The following PHC2 variants were observed in gnomAD, a reference collection of about 807,000 sequenced individuals.
PHC2 encodes polyhomeotic homolog 2.
PHC2 carries 29 observed loss-of-function variants against 87.4 expected under a neutral mutation model. The observed-to-expected ratio is 0.33, with a 90% CI of 0.25 to 0.45. The LOEUF (loss-of-function observed/expected upper bound fraction) is 0.45. PHC2 is among the 20% of genes least tolerant of loss of function. PHC2 has a pLI of 1.00. For synonymous variants in PHC2, 438 were observed against 461.7 expected (o/e 0.95, Z 0.66); for missense variants, 857 against 1,136.7 (o/e 0.75, Z 3.54).
rs1553186434 is a variant in PHC2, at chr1:33,364,410, A to ACACACACGCG, written c.976+2705_976+2706insCGCGTGTGTG. ...TGCTTTCACACACACACACACACAC[A>ACACACACGCG]CACACACACACACACGCTCAAGCAC... On this transcript the variant is annotated intron_variant, in intron 7 of 14. Transcript: ENST00000683057. The surrounding 1 kb of genome is among the most constrained non-coding windows in gnomAD (Gnocchi z 4.1). 6.7e-6 allele frequency among the ~76,000 whole-genome samples: 1 copy of ACACACACGCG among 149,926 alleles called. No individual in the cohort carries two copies. The highest frequency in any genetic ancestry group is 2.5e-5 in the African/African-American group (1 of 40,538).
At chr1:33,337,852 A>G (rs148219889) in intron 9 of PHC2, among the ~76,000 whole-genome samples, 282 of 152,264 alleles carry the variant, frequency 1.9e-3, no homozygotes, top group Middle Eastern at 0.01. Context: ...CATGTAAGAG[A>G]TCTGGTTGGT....
chr1:33,343,468 CAAAAA>C (rs71006394), intron 9 of PHC2, among the ~76,000 whole-genome samples: 1 of 59,842 alleles, frequency 1.7e-5, no homozygotes. Flanking sequence ...GACTCTGTCT[CAAAAA>C]AAAAAAAAAA....
chr1:33,368,506 C>T lies in PHC2; in HGVS notation c.663+30G>A. The T allele has an allele frequency of 7.9e-7, 1 of 1,268,928 alleles. No homozygotes were observed. Among genetic ancestry groups the T allele is most frequent in the Non-Finnish European group, 1.1e-6 (1 of 909,894 alleles). The allele number at this position is 1,268,928 out of a possible 1,614,324, so 78.6% of individuals were successfully genotyped here. On this transcript the variant is annotated intron_variant, in intron 6 of 14. Coordinates refer to ENST00000683057, the MANE Select transcript of PHC2 (RefSeq NM_001385109.1). This position sits in a 1 kb window ranked among gnomAD's most constrained non-coding sequence, Gnocchi z 6.6. ...GCCCCTCTACAGGGGTGCCCACCCC[C>T]CTGCCCTCCCACAAGCATGGAGTCC...
intron 1 of PHC2, among the ~76,000 whole-genome samples, chr1:33,385,839 C>T (rs1401438799): frequency 1.3e-5 from 2 of 151,874 alleles, no homozygotes; most frequent in Non-Finnish European, 2.9e-5. Flanking sequence ...CTCTCTCGCC[C>T]AGGCTGGAAT....
At chr1:33,374,798 T>A (rs923216162) in intron 2 of PHC2, among the ~76,000 whole-genome samples, 9 of 152,184 alleles carry the variant, frequency 5.9e-5, no homozygotes, top group Non-Finnish European at 8.8e-5. Context: ...GAGCCCCAGT[T>A]TTCTCAACTA....
At chr1:33,400,278 G>C (rs1340045039) in intron 1 of PHC2, among the ~76,000 whole-genome samples, 2 of 152,188 alleles carry the variant, frequency 1.3e-5, no homozygotes, top group East Asian at 3.8e-4. Flanking sequence ...GTTTATAGGA[G>C]TTTGCACTCA....
In PHC2 at chr1:33,334,163, G is replaced by C; in HGVS notation, c.1688C>G (p.Ala563Gly). ...PQNGENKPPQ[A>G]IVKPQILTHV... ...CGTCAGGATTTGGGGTTTCACAATG[G>C]CCTGTGGTGGTTTATTCTCACCATT... Residue 563 changes from alanine (A) to glycine (G), a missense_variant, in exon 10 of 15, where the codon GCC becomes GGC. Ala to Gly is a moderately conservative substitution (Grantham distance 60). Transcript: ENST00000683057. This position sits in a 1 kb window ranked among gnomAD's most constrained non-coding sequence, Gnocchi z 5.5. 2 of 1,613,988 alleles carry C rather than the reference G, an allele frequency of 1.2e-6. No homozygotes were observed. Among genetic ancestry groups the C allele is most frequent in the Non-Finnish European group, 1.7e-6 (2 of 1,179,992 alleles).
At chr1:33,356,119 G>A (rs1348196780) in intron 7 of PHC2, among the ~76,000 whole-genome samples, 1 of 151,792 alleles carries the variant, frequency 6.6e-6, no homozygotes, top group Non-Finnish European at 1.5e-5. Flanking sequence ...CTTGCGGTCA[G>A]AAACTTTGTG....
At chr1:33,345,769 A>G in intron 9 of PHC2, 3 of 985,308 alleles carry the variant, frequency 3.0e-6, no homozygotes, top group African/African-American at 1.7e-5. Context: ...ATGGTTGATT[A>G]TTTTCCTAAC....
At chr1:33,337,489 T>C (rs1315050540) in intron 9 of PHC2, among the ~76,000 whole-genome samples, 2 of 152,200 alleles carry the variant, frequency 1.3e-5, no homozygotes, top group Non-Finnish European at 2.9e-5. Context: ...TAGAGACTGG[T>C]CTCTATCATT....
chr1:33,349,925 C>T lies in PHC2; in HGVS notation c.1558+4476G>A. 1.5e-5 allele frequency: 14 copies of T among 934,822 alleles called. No homozygotes were observed. Among genetic ancestry groups the T allele is most frequent in the South Asian group, 4.9e-5 (1 of 20,350 alleles). The allele number at this position is 934,822 out of a possible 1,614,324, so 57.9% of individuals were successfully genotyped here. Reference sequence around the variant, plus strand: ...GGCGAGTCTGGGACGGCTCCCGCGGCCGCCTCCGCCGGGGGCGGGGCGAGG... The same window carrying T: ...GGCGAGTCTGGGACGGCTCCCGCGGTCGCCTCCGCCGGGGGCGGGGCGAGG... On this transcript the variant is annotated intron_variant, in intron 9 of 14. Transcript: ENST00000683057. This position sits in a 1 kb window ranked among gnomAD's most constrained non-coding sequence, Gnocchi z 4.2.
At chr1:33,356,279 A>ATATATATATATATATATG (rs1557831097) in intron 7 of PHC2, among the ~76,000 whole-genome samples, 7 of 129,226 alleles carry the variant, frequency 5.4e-5, no homozygotes, top group African/African-American at 1.0e-4. Flanking sequence ...ATATATATGT[A>ATATATATATATATATATG]TATATATATA....
At chr1:33,375,637 C>A in intron 1 of PHC2, 44 bp from the exon 2 acceptor site, 1 of 1,243,314 alleles carries the variant, frequency 8.0e-7, no homozygotes. Flanking sequence ...CAGACGCTTA[C>A]TAGAGAATGT....
intron 1 of PHC2, among the ~76,000 whole-genome samples, chr1:33,407,232 A>G (rs1342118792): frequency 6.6e-6 from 1 of 152,148 alleles, no homozygotes; most frequent in Non-Finnish European, 1.5e-5. Context: ...CTGTCTCATG[A>G]TTGCAATTTC....
chr1:33,371,734 G>A (rs772670835), intron 3 of PHC2, among the ~76,000 whole-genome samples: 1 of 152,182 alleles, frequency 6.6e-6, no homozygotes, highest in South Asian at 2.1e-4. Flanking sequence ...CTTTCATGGC[G>A]CTTATTGTAA....
intron 1 of PHC2, among the ~76,000 whole-genome samples, chr1:33,421,229 T>C (rs183493440): frequency 1.2e-4 from 18 of 152,218 alleles, no homozygotes; most frequent in Admixed American, 7.2e-4. Context: ...AAGAAAATAA[T>C]GTAGTCTACA....
intron 1 of PHC2, among the ~76,000 whole-genome samples, chr1:33,424,105 A>C (rs1379808384): frequency 2.0e-5 from 3 of 151,786 alleles, no homozygotes; most frequent in Non-Finnish European, 2.9e-5. Context: ...CTCAAAAAAA[A>C]AAAAAACAAA....
rs1648535490 is a variant in PHC2, at chr1:33,382,384, T to G, written c.-54-6791A>C. ...CCTTAAACTTTCACAGTATCTAGGC[T>G]TTCAGTATTCTACCCACCCCTTTTC... On this transcript the variant is annotated intron_variant, in intron 1 of 14. Coordinates refer to ENST00000683057, the MANE Select transcript of PHC2 (RefSeq NM_001385109.1). The surrounding 1 kb of genome is among the most constrained non-coding windows in gnomAD (Gnocchi z 4.3). 6.6e-6 allele frequency among the ~76,000 whole-genome samples: 1 copy of G among 152,136 alleles called. No individual in the cohort carries two copies. Among genetic ancestry groups the G allele is most frequent in the South Asian group, 2.1e-4 (1 of 4,816 alleles).
rs1026579391 is a variant in PHC2 at position 33,365,282 on chromosome 1, C to T, written c.976+1834G>A. On this transcript the variant is annotated intron_variant, in intron 7 of 14. Transcript: ENST00000683057. ...GGCACGTTATCTAGCACACGACGGA[C>T]GTCCTGTGAGTGCTGGTCCCGTTTC... Among the ~76,000 whole-genome samples the T allele has an allele frequency of 9.2e-5, 14 of 152,302 alleles. No individual in the cohort carries two copies. The South Asian group carries it at 2.7e-3, about 29-fold the overall frequency.
Sources: gnomAD v4.1 joint callset for allele counts (sites outside exome capture counted in the v4.1 genomes callset) on GRCh38, gnomAD v4.1.1 for gene constraint, Gnocchi (gnomAD v3.1) non-coding constraint, MANE v1.5 for transcripts, NCBI Gene and HGNC (gene_info 2026-07-23, HGNC 2026-07-21) for gene names.